The following CPHXL2 variants were observed in gnomAD, a reference collection of about 807,000 sequenced individuals.
CPHXL2 encodes cytoplasmic polyadenylated homeobox like 2.
chr16:75,661,196 T>C, the CPHXL2 span: 1 of 400,690 alleles, frequency 2.5e-6, no homozygotes, highest in Non-Finnish European at 4.4e-6. Context: ...AAGTAAGAAA[T>C]ATTCTTTGTC....
chr16:75,664,165 C>T, the CPHXL2 span, among the ~76,000 whole-genome samples: 1 of 152,172 alleles, frequency 6.6e-6, no homozygotes, highest in Admixed American at 6.5e-5. Flanking sequence ...TTACATGTAT[C>T]GACTGATGCC....
At chr16:75,661,674 G>A in the CPHXL2 span, among the ~76,000 whole-genome samples, 2 of 151,854 alleles carry the variant, frequency 1.3e-5, no homozygotes, top group East Asian at 3.9e-4. Flanking sequence ...TCTTCCACCA[G>A]GAAGAATTAA....
the CPHXL2 span, among the ~76,000 whole-genome samples, chr16:75,667,881 T>C: frequency 6.6e-6 from 1 of 152,344 alleles, no homozygotes; most frequent in South Asian, 2.1e-4. Context: ...AATTCCTATC[T>C]TCCATAGACT....
the CPHXL2 span, among the ~76,000 whole-genome samples, chr16:75,667,909 T>A: frequency 7.2e-5 from 11 of 152,200 alleles, no homozygotes; most frequent in Non-Finnish European, 1.2e-4. Flanking sequence ...AGCATCCAAG[T>A]AACCTTTGAG....
the CPHXL2 span, chr16:75,660,256 A>G: frequency 2.5e-6 from 1 of 398,062 alleles, no homozygotes; most frequent in Non-Finnish European, 4.4e-6. Context: ...TGTGATACTT[A>G]GCAATACTTT....
the CPHXL2 span, chr16:75,669,225 G>T: frequency 9.7e-4 from 378 of 391,654 alleles, no homozygotes; most frequent in Non-Finnish European, 1.5e-3. Flanking sequence ...CTGAGGTTGG[G>T]GAGTCACCTG....
At chr16:75,660,366 A>G in the CPHXL2 span, 7 of 398,528 alleles carry the variant, frequency 1.8e-5, no homozygotes, top group African/African-American at 1.4e-4. Flanking sequence ...CCCTACCTGC[A>G]TATCTTGCCC....
At chr16:75,665,420 G>A in the CPHXL2 span, among the ~76,000 whole-genome samples, 1 of 152,302 alleles carries the variant, frequency 6.6e-6, no homozygotes, top group East Asian at 1.9e-4. Flanking sequence ...TAGTCTTTCA[G>A]ACAAACAAAT....
At chr16:75,665,087 A>C in the CPHXL2 span, among the ~76,000 whole-genome samples, 1 of 152,212 alleles carries the variant, frequency 6.6e-6, no homozygotes, top group African/African-American at 2.4e-5. Context: ...ATGAGAGTCT[A>C]ACCAAAAAAA....
the CPHXL2 span, among the ~76,000 whole-genome samples, chr16:75,663,938 A>G: frequency 6.9e-6 from 1 of 145,026 alleles, no homozygotes; most frequent in East Asian, 1.9e-4. Flanking sequence ...GTCTGATAAG[A>G]AACATTTACA....
the CPHXL2 span, among the ~76,000 whole-genome samples, chr16:75,671,558 C>T: frequency 6.6e-6 from 1 of 152,054 alleles, no homozygotes; most frequent in African/African-American, 2.4e-5. Flanking sequence ...GAGAGCATGG[C>T]TTTTAGTCTA....
the CPHXL2 span, among the ~76,000 whole-genome samples, chr16:75,672,250 G>T: frequency 6.6e-6 from 1 of 151,132 alleles, no homozygotes; most frequent in Admixed American, 6.6e-5. Context: ...CTGCACTCCT[G>T]CCTGGGCTAC....
the CPHXL2 span, among the ~76,000 whole-genome samples, chr16:75,676,740 GTAT>G: frequency 2.6e-5 from 4 of 152,054 alleles, no homozygotes; most frequent in African/African-American, 9.7e-5. Flanking sequence ...TGATCTGTAG[GTAT>G]TTTTGTCTGT....
the CPHXL2 span, among the ~76,000 whole-genome samples, chr16:75,663,729 AC>A: frequency 0.012 from 1,900 of 152,090 alleles, 51 homozygotes; most frequent in African/African-American, 0.043. Flanking sequence ...TAAAAAAAAT[AC>A]AAAAAATTAG....
the CPHXL2 span, chr16:75,660,970 G>A: frequency 2.5e-6 from 1 of 398,764 alleles, no homozygotes; most frequent in Non-Finnish European, 4.4e-6. Context: ...CCCACCTGTT[G>A]ACTGGGAGTC....
chr16:75,669,377 C>A, the CPHXL2 span: 16 of 400,408 alleles, frequency 4.0e-5, no homozygotes, highest in South Asian at 2.5e-4. Context: ...ATCACGTTAA[C>A]CGGACAATCA....
the CPHXL2 span, among the ~76,000 whole-genome samples, chr16:75,673,075 CAAAAAAA>C: frequency 4.1e-5 from 3 of 73,180 alleles, no homozygotes; most frequent in East Asian, 3.8e-4. Context: ...GACCTTGTCT[CAAAAAAA>C]AAAAAAAAAA....
the CPHXL2 span, among the ~76,000 whole-genome samples, chr16:75,666,606 C>G: frequency 2.2e-5 from 2 of 91,982 alleles, no homozygotes; most frequent in South Asian, 3.4e-4. Context: ...GAAACTCTAT[C>G]TCAAAAAAAA....
At chr16:75,662,267 C>G in the CPHXL2 span, among the ~76,000 whole-genome samples, 1 of 151,212 alleles carries the variant, frequency 6.6e-6, no homozygotes, top group Non-Finnish European at 1.5e-5. Flanking sequence ...CCTCCAGGAA[C>G]TTCCACATGT....
Sources: gnomAD v4.1 joint callset for allele counts (sites outside exome capture counted in the v4.1 genomes callset) on GRCh38, gnomAD v4.1.1 for gene constraint, MANE v1.5 for transcripts, NCBI Gene and HGNC (gene_info 2026-07-23, HGNC 2026-07-21) for gene names.